The following RGS9 variants were observed in gnomAD, a reference collection of about 807,000 sequenced individuals.
The protein encoded by RGS9 is regulator of G protein signaling 9.
RGS9 carries 78 observed loss-of-function variants against 102.0 expected under a neutral mutation model. The observed-to-expected ratio is 0.76, with a 90% CI of 0.64 to 0.92. The LOEUF (loss-of-function observed/expected upper bound fraction) is 0.92. Ranked by LOEUF, RGS9 falls within the 40% of genes least tolerant of loss-of-function variation. The pLI is 0.00. For synonymous variants in RGS9, 353 were observed against 318.6 expected, an observed-to-expected ratio of 1.11 and a Z score of -1.15; for missense variants, 833 against 866.1, an observed-to-expected ratio of 0.96 and a Z score of 0.48.
At chr17:65,189,040 T>G (rs1373841843) in intron 9 of RGS9, 3 of 574,814 alleles carry the variant, frequency 5.2e-6, no homozygotes, top group Non-Finnish European at 9.3e-6. Flanking sequence ...GATCTTGGCC[T>G]TTAGGTGAGC....
intron 7 of RGS9, among the ~76,000 whole-genome samples, chr17:65,163,719 G>A (rs1911072665): frequency 6.6e-6 from 1 of 152,188 alleles, no homozygotes; most frequent in South Asian, 2.1e-4. Context: ...GATAGCAGTT[G>A]TGGAGGAAGA....
chr17:65,215,509 T>C (rs1000614798), intron 17 of RGS9, among the ~76,000 whole-genome samples: 5 of 132,114 alleles, frequency 3.8e-5, no homozygotes, highest in African/African-American at 1.6e-4. Context: ...TCTTTCTTTC[T>C]TTCTTTCTTT....
chr17:65,224,866 C>G, intron 17 of RGS9, 136 bp from the exon 18 acceptor site: 1 of 1,205,026 alleles, frequency 8.3e-7, no homozygotes, highest in Admixed American at 1.8e-5. Context: ...CCGTTCCCAG[C>G]TCCCTAGGAG....
intron 12 of RGS9, among the ~76,000 whole-genome samples, chr17:65,194,486 A>C (rs529138733): frequency 1.4e-4 from 22 of 152,354 alleles, no homozygotes; most frequent in Middle Eastern, 3.4e-3. Flanking sequence ...TTAAAAAATC[A>C]TATGTATGGC....
rs532572008 is a variant in RGS9, at chr17:65,175,819, A to G, written c.583-1913A>G. Reference sequence around the variant, plus strand: ...TAGGTTGCTAGATTTAGCAAATAAAATACAGGAAATTTGGTTGAATTTGAA... The same window carrying G: ...TAGGTTGCTAGATTTAGCAAATAAAGTACAGGAAATTTGGTTGAATTTGAA... On this transcript the variant is annotated intron_variant, in intron 8 of 18. Coordinates refer to ENST00000262406, the MANE Select transcript of RGS9 (RefSeq NM_003835.4). 1.1e-4 allele frequency among the ~76,000 whole-genome samples: 17 copies of G among 152,352 alleles called. No individual in the cohort carries two copies. In the South Asian group the frequency reaches 1.7e-3, roughly 15 times the overall value.
intron 17 of RGS9, among the ~76,000 whole-genome samples, chr17:65,221,720 G>C (rs772948623): frequency 3.3e-5 from 5 of 152,198 alleles, no homozygotes; most frequent in Non-Finnish European, 5.9e-5. Context: ...GGATGTCCAC[G>C]ATGGAGGCCC....
chr17:65,158,825 A>G (rs1174045524), intron 3 of RGS9: 15 of 260,548 alleles, frequency 5.8e-5, no homozygotes, highest in East Asian at 3.6e-4. Flanking sequence ...GAGATAGGCA[A>G]TAGGAAGCCA....
In RGS9 at chr17:65,197,233, A is replaced by C; in HGVS notation, c.968A>C (p.Glu323Ala). Residue 323 changes from glutamate (E) to alanine (A), a missense_variant, in exon 13 of 19, where the codon GAA becomes GCA. Glu to Ala is a moderately radical substitution (Grantham distance 107, BLOSUM62 -1). Around this residue, in one of 3 missense-constraint regions of RGS9, gnomAD observed 185 missense variants for 248.7 expected, o/e 0.74. Coordinates refer to ENST00000262406, the MANE Select transcript of RGS9 (RefSeq NM_003835.4). Reference protein sequence around the residue: ...RQSFQYFLKKEFSGENLGFWE... With the variant: ...RQSFQYFLKKAFSGENLGFWE... Reference sequence around the variant, plus strand: ...AGCTTCCAGTACTTCCTCAAGAAAGAATTCAGTGGTGGGTCTTTGTTTACA... The same window carrying C: ...AGCTTCCAGTACTTCCTCAAGAAAGCATTCAGTGGTGGGTCTTTGTTTACA... 6.2e-7 allele frequency: 1 copy of C among 1,602,432 alleles called. No homozygotes were observed. The highest frequency in any genetic ancestry group is 8.5e-7 in the Non-Finnish European group (1 of 1,169,668).
chr17:65,180,940 G>A (rs1483282008), intron 9 of RGS9, among the ~76,000 whole-genome samples: 1 of 152,166 alleles, frequency 6.6e-6, no homozygotes, highest in East Asian at 1.9e-4. Context: ...TTAAGACAAT[G>A]ATCTCTAGCT....
At chr17:65,160,498 C>G in intron 4 of RGS9, 38 bp from the exon 5 acceptor site, 1 of 1,613,240 alleles carries the variant, frequency 6.2e-7, no homozygotes, top group African/African-American at 1.3e-5. Flanking sequence ...GAGTCACAAT[C>G]CAGTTTTAAA....
chr17:65,153,517 A>G lies in RGS9; in HGVS notation c.153A>G (p.Thr51=), dbSNP rs1260818274. 6.2e-7 allele frequency: 1 copy of G among 1,612,198 alleles called. No homozygotes were observed. The highest frequency in any genetic ancestry group is 1.1e-5 in the South Asian group (1 of 91,056). Residue 51 remains threonine (T), a splice_region_variant and synonymous_variant, in exon 2 of 19, where the codon ACA becomes ACG. Coordinates refer to ENST00000262406, the MANE Select transcript of RGS9 (RefSeq NM_003835.4). ...VLVTSVPHAM[T]GSDVLQWIVQ... The stretch of plus-strand genomic sequence containing the variant: ...TCACCAGCGTTCCTCATGCCATGAC[A>G]GGTGATGTAGCTTGCACTTTAGTCT...
intron 1 of RGS9, among the ~76,000 whole-genome samples, chr17:65,141,429 T>C (rs1910152857): frequency 6.6e-6 from 1 of 152,234 alleles, no homozygotes; most frequent in Non-Finnish European, 1.5e-5. Context: ...AGCTTTGTTT[T>C]CCTGTGCGGC....
At chr17:65,183,009 G>A (rs190674369) in intron 9 of RGS9, among the ~76,000 whole-genome samples, 70 of 151,706 alleles carry the variant, frequency 4.6e-4, no homozygotes, top group South Asian at 2.1e-3. Context: ...TCACATGATC[G>A]CAATCTTAAA....
At position 65,177,152 on chromosome 17, in the gene RGS9, G is replaced by A. The variant is rs899652341; in HGVS notation, c.583-580G>A. Among the ~76,000 whole-genome samples the A allele has an allele frequency of 2.4e-3, 293 of 121,580 alleles. 1 individual carries two copies. The highest frequency in any genetic ancestry group is 8.5e-3 in the African/African-American group (271 of 31,698). The allele number at this position is 121,580 out of a possible 152,430, so 79.8% of individuals were successfully genotyped here. ...TGCTGGGGATGCCATTTATCTGTCC[G>A]TCCATCCATCCATCCATCCATCCAC... On this transcript the variant is annotated intron_variant, in intron 8 of 18. Coordinates refer to ENST00000262406, the MANE Select transcript of RGS9 (RefSeq NM_003835.4).
At chr17:65,165,348 T>A (rs757496366) in intron 7 of RGS9, among the ~76,000 whole-genome samples, 16 of 152,194 alleles carry the variant, frequency 1.1e-4, no homozygotes, top group Non-Finnish European at 2.1e-4. Context: ...AATGAGCGAT[T>A]CCTAAAAGGC....
chr17:65,158,484 A>T (rs1910860502), intron 3 of RGS9, 139 bp downstream of exon 3: 1 of 831,126 alleles, frequency 1.2e-6, no homozygotes, highest in Non-Finnish European at 2.1e-6. Flanking sequence ...GTGTAAAAGT[A>T]CCAGAATCAA....
intron 8 of RGS9, among the ~76,000 whole-genome samples, chr17:65,169,677 C>T (rs1911335171): frequency 6.6e-6 from 1 of 152,182 alleles, no homozygotes; most frequent in Non-Finnish European, 1.5e-5. Flanking sequence ...ACTAGCTATG[C>T]ATTAACATGA....
chr17:65,218,780 T>A (rs2144124050), intron 17 of RGS9, among the ~76,000 whole-genome samples: 1 of 152,372 alleles, frequency 6.6e-6, no homozygotes, highest in Non-Finnish European at 1.5e-5. Context: ...CAGGCTCTGA[T>A]AACAGTTTTC....
At chr17:65,148,604 C>A (rs902234906) in intron 1 of RGS9, among the ~76,000 whole-genome samples, 3 of 152,226 alleles carry the variant, frequency 2.0e-5, no homozygotes, top group Non-Finnish European at 4.4e-5. Flanking sequence ...TCTTATACCA[C>A]CCCTCCCTTG....
Sources: gnomAD v4.1 joint callset for allele counts (sites outside exome capture counted in the v4.1 genomes callset) on GRCh38, gnomAD v4.1.1 for gene constraint, gnomAD v4.1.1 regional missense constraint, MANE v1.5 for transcripts, NCBI Gene and HGNC (gene_info 2026-07-23, HGNC 2026-07-21) for gene names.